The following LACTB variants were observed in gnomAD, a reference collection of about 807,000 sequenced individuals.
LACTB encodes the protein serine beta-lactamase-like protein LACTB, mitochondrial.
Under a neutral mutation model 50.2 loss-of-function variants are expected in LACTB, and 35 were observed. The observed-to-expected ratio is 0.70, with a 90% CI of 0.53 to 0.92. The LOEUF (loss-of-function observed/expected upper bound fraction) is 0.92, where lower values mean the gene tolerates loss of function less well. LACTB is among the 40% of genes least tolerant of loss of function. The pLI is 0.00. For missense variants in LACTB, 664 were observed against 691.8 expected, an observed-to-expected ratio of 0.96 and a Z score of 0.45; for synonymous variants, 252 against 268.2, an observed-to-expected ratio of 0.94 and a Z score of 0.59.
chr15:63,122,840 TAAAG>T (rs2036995104), intron 2 of LACTB, 138 bp downstream of exon 2: 3 of 651,370 alleles, frequency 4.6e-6, no homozygotes, highest in Admixed American at 2.8e-5. Context: ...TCTAACATAA[TAAAG>T]AGTCAGGTGT....
intron 1 of LACTB, 57 bp from the exon 2 acceptor site, chr15:63,122,579 A>G (rs1228403067): frequency 1.2e-5 from 16 of 1,372,530 alleles, no homozygotes; most frequent in Non-Finnish European, 1.7e-5. Flanking sequence ...CCCCGAGGAG[A>G]GCGCTGGGCT....
At chr15:63,136,042 CTTTTT>C (rs55680025) in intron 5 of LACTB, among the ~76,000 whole-genome samples, 1 of 132,582 alleles carries the variant, frequency 7.5e-6, no homozygotes, top group Non-Finnish European at 1.6e-5. Context: ...ATTTTCTTTT[CTTTTT>C]TTTTTTTTTT....
intron 4 of LACTB, among the ~76,000 whole-genome samples, chr15:63,128,496 G>C (rs2037084614): frequency 6.6e-6 from 1 of 152,126 alleles, no homozygotes; most frequent in African/African-American, 2.4e-5. Context: ...TAGCTACTCA[G>C]GAGGCTGAGG....
chr15:63,128,346 C>A (rs1167381789), intron 4 of LACTB, among the ~76,000 whole-genome samples: 1 of 152,186 alleles, frequency 6.6e-6, no homozygotes, highest in South Asian at 2.1e-4. Flanking sequence ...CCTATAATCC[C>A]AGCACTTACA....
chr15:63,141,766 G>T lies in LACTB; in HGVS notation c.1605G>T (p.Leu535Phe). 3.7e-6 allele frequency: 6 copies of T among 1,613,728 alleles called. No individual in the cohort carries two copies. Among genetic ancestry groups the T allele is most frequent in the Middle Eastern group, 3.3e-4 (2 of 6,062 alleles). The change falls in exon 6 of 6, where the codon TTG becomes TTT. Residue 535 changes from leucine to phenylalanine, a missense_variant. Leu to Phe is a conservative substitution (Grantham distance 22). Coordinates refer to ENST00000261893, the MANE Select transcript of LACTB (RefSeq NM_032857.5). The stretch of plus-strand genomic sequence containing the variant: ...CTGTTGGCCTCAATAGCACCGCTTT[G>T]AAGATTGCCCTTGAATTTGATAAAG... ...MQSVGLNSTA[L>F]KIALEFDKDR...
At chr15:63,125,838 C>G (rs1219219724) in intron 2 of LACTB, 4 of 147,368 alleles carry the variant, frequency 2.7e-5, no homozygotes, top group African/African-American at 9.9e-5. Flanking sequence ...CTCCACCACG[C>G]CAGGCTTTTT....
chr15:63,122,227 A>C lies in LACTB; in HGVS notation c.356A>C (p.Lys119Thr). 1 of 1,555,894 alleles carries C rather than the reference A, an allele frequency of 6.4e-7. No individual in the cohort carries two copies. Among genetic ancestry groups the C allele is most frequent in the Non-Finnish European group, 8.6e-7 (1 of 1,160,466 alleles). The part of the protein sequence containing the change: ...ESSRDLLHRI[K>T]DEVGAPGIVV... ...AGCCGCGACCTGCTGCACAGGATCA[A>C]GGTGCGGCCACTGGAGCGGGGGGCG... Residue 119 changes from lysine (K) to threonine (T), a missense_variant and splice_region_variant, in exon 1 of 6, where the codon AAG becomes ACG. Physicochemically the swap from Lys to Thr is moderately conservative, Grantham distance 78. Transcript: ENST00000261893.
At chr15:63,126,836 C>G in intron 2 of LACTB, 23 bp from the exon 3 acceptor site, 2 of 1,453,990 alleles carry the variant, frequency 1.4e-6, no homozygotes, top group Non-Finnish European at 1.8e-6. Context: ...TTAATAGTGA[C>G]TTTTTGCTTT....
chr15:63,141,171 A>G (rs2037224712), intron 5 of LACTB, 109 bp from the exon 6 acceptor site: 7 of 1,448,738 alleles, frequency 4.8e-6, no homozygotes, highest in African/African-American at 1.4e-5. Flanking sequence ...CTGAGAATGT[A>G]TGATCATTAC....
chr15:63,140,449 A>G (rs138208085), intron 5 of LACTB, among the ~76,000 whole-genome samples: 3,025 of 152,288 alleles, frequency 0.02, 47 homozygotes, highest in South Asian at 0.069. Context: ...TAAAATCTTC[A>G]GACACATACC....
At chr15:63,131,083 A>G (rs1022750587) in intron 5 of LACTB, 2 of 152,434 alleles carry the variant, frequency 1.3e-5, no homozygotes, top group East Asian at 1.9e-4. Flanking sequence ...ACATGAGACC[A>G]AGTTTGAGAC....
chr15:63,134,001 G>T (rs1343859327), intron 5 of LACTB, among the ~76,000 whole-genome samples: 1 of 152,196 alleles, frequency 6.6e-6, no homozygotes, highest in Non-Finnish European at 1.5e-5. Context: ...TGTGTCAAAT[G>T]TTAGGAGGGT....
intron 5 of LACTB, 87 bp downstream of exon 5, chr15:63,129,737 T>G (rs1195040290): frequency 1.5e-6 from 2 of 1,347,714 alleles, no homozygotes; most frequent in African/African-American, 3.0e-5. Context: ...TTGTTTCCAT[T>G]CCAAAATCAA....
intron 5 of LACTB, among the ~76,000 whole-genome samples, chr15:63,137,552 T>C (rs779289515): frequency 2.0e-5 from 3 of 152,240 alleles, no homozygotes; most frequent in Non-Finnish European, 4.4e-5. Context: ...GATACAGGCA[T>C]GCACTGCAAA....
chr15:63,122,544 C>T lies in LACTB; in HGVS notation c.358-92C>T, dbSNP rs533294484. ...CCAGGTGGAGGGGGCGGGGCCCAGG[C>T]TCAGGGGGCGGGGCCTTGGAAGGTC... On this transcript the variant is annotated intron_variant, in intron 1 of 5. Transcript: ENST00000261893. 153 of 1,026,908 alleles carry T rather than the reference C, an allele frequency of 1.5e-4. No individual in the cohort carries two copies. The African/African-American group carries it at 1.9e-3, about 13-fold the overall frequency. 63.6% of individuals were successfully genotyped at this position (1,026,908 alleles called of 1,614,324 possible). A position where few individuals can be genotyped will look rare whatever the true frequency, so the allele number is the denominator to read the frequency against.
intron 4 of LACTB, among the ~76,000 whole-genome samples, chr15:63,129,053 T>G (rs1203797324): frequency 6.6e-6 from 1 of 152,226 alleles, no homozygotes; most frequent in Non-Finnish European, 1.5e-5. Flanking sequence ...ATATATTTTA[T>G]TAAAATAAGA....
chr15:63,138,508 G>C (rs891004541), intron 5 of LACTB, among the ~76,000 whole-genome samples: 1 of 152,052 alleles, frequency 6.6e-6, no homozygotes, highest in Non-Finnish European at 1.5e-5. Context: ...AAGCAGAAAT[G>C]TTCTAGGAAT....
Position 63,130,515 on chromosome 15 carries a change from G to GAAAAAAAAA in LACTB, c.1118+876_1118+884dup. On this transcript the variant is annotated intron_variant, in intron 5 of 5. Transcript: ENST00000261893. Reference sequence around the variant, plus strand: ...AGAGTGAGACTCCATGTCAAAAAAGGAAAAAAAAAAAAAAAAAAAGGACAT... The same window carrying GAAAAAAAAA: ...AGAGTGAGACTCCATGTCAAAAAAGGAAAAAAAAAAAAAAAAAAAAAAAAAAAAGGACAT... The GAAAAAAAAA allele has an allele frequency of 2.2e-5, 2 of 90,848 alleles. 1 individual carries two copies. The highest frequency in any genetic ancestry group is 7.5e-5 in the African/African-American group (2 of 26,684). 5.6% of individuals were successfully genotyped at this position (90,848 alleles called of 1,614,324 possible). A position where few individuals can be genotyped will look rare whatever the true frequency, so the allele number is the denominator to read the frequency against.
intron 5 of LACTB, chr15:63,131,464 C>T (rs1369910170): frequency 1.3e-5 from 2 of 152,114 alleles, no homozygotes; most frequent in Admixed American, 1.3e-4. Context: ...TATTAGATTG[C>T]TTACCTATAT....
Sources: allele counts gnomAD v4.1 joint callset (sites outside exome capture counted in the v4.1 genomes callset), GRCh38; gene constraint gnomAD v4.1.1; transcripts MANE v1.5; gene names NCBI Gene and HGNC (gene_info 2026-07-23, HGNC 2026-07-21).